SMYD3: variants seen among roughly 807,000 people sequenced by gnomAD.
SMYD3 encodes the protein histone-lysine N-methyltransferase SMYD3.
In SMYD3, 36 loss-of-function variants were observed where a neutral mutation model predicts 57.7. The ratio of observed to expected loss-of-function variants is 0.62; its 90% CI spans 0.48 to 0.82. The LOEUF (loss-of-function observed/expected upper bound fraction) is 0.82, where lower values mean the gene tolerates loss of function less well. Among genes scored for constraint, SMYD3 ranks in the 40% least tolerant of loss-of-function variants. The pLI, the probability that SMYD3 is intolerant of heterozygous loss-of-function variation, is 0.00. For synonymous variants in SMYD3, 211 were observed against 195.0 expected, an observed-to-expected ratio of 1.08 and a Z score of -0.68; for missense variants, 515 against 538.8, an observed-to-expected ratio of 0.96 and a Z score of 0.44.
At chr1:245,965,629 T>C (rs890274205) in intron 5 of SMYD3, among the ~76,000 whole-genome samples, 2 of 152,132 alleles carry the variant, frequency 1.3e-5, no homozygotes, top group African/African-American at 2.4e-5. Flanking sequence ...AAGAAGCCAA[T>C]CTGAAACACT....
In SMYD3 at chr1:245,764,125, G is replaced by A. The variant is rs148679457; in HGVS notation, c.1101C>T (p.Pro367=). 1.8e-5 allele frequency: 29 copies of A among 1,613,808 alleles called. No individual in the cohort carries two copies. Among genetic ancestry groups the A allele is most frequent in the Non-Finnish European group, 2.4e-5 (28 of 1,179,922 alleles). ...CTTTCATCACTTGAACCCCTCTGACGGGATGGCTTCCTGGGAAAAAAATCC... is the reference window on the plus strand; with the variant it reads ...CTTTCATCACTTGAACCCCTCTGACAGGATGGCTTCCTGGGAAAAAAATCC... The part of the protein sequence containing the change: ...PYRIFFPGSH[P]VRGVQVMKVG... The change falls in exon 11 of 12, where the codon CCC becomes CCT. Residue 367 remains proline, a synonymous_variant. Transcript: ENST00000490107.
chr1:246,306,948 CTT>C (rs955108078), intron 5 of SMYD3, among the ~76,000 whole-genome samples: 1 of 150,314 alleles, frequency 6.7e-6, no homozygotes, highest in African/African-American at 2.4e-5. Flanking sequence ...ATGGAAGTAA[CTT>C]TGAGTTTCAA....
At chr1:246,024,381 T>C (rs1401873284) in intron 5 of SMYD3, among the ~76,000 whole-genome samples, 2 of 110,420 alleles carry the variant, frequency 1.8e-5, no homozygotes, top group Non-Finnish European at 3.5e-5. Flanking sequence ...GGAAGGGAGA[T>C]ACAGGAAGTG....
At chr1:246,286,899 T>C (rs148033290) in intron 5 of SMYD3, among the ~76,000 whole-genome samples, 3,780 of 150,642 alleles carry the variant, frequency 0.025, 78 homozygotes, top group Non-Finnish European at 0.04. Flanking sequence ...TTTGAGACAG[T>C]CTTGCTCTAT....
At chr1:246,183,217 T>A (rs1188127832) in intron 5 of SMYD3, among the ~76,000 whole-genome samples, 1 of 152,094 alleles carries the variant, frequency 6.6e-6, no homozygotes, top group Non-Finnish European at 1.5e-5. Context: ...CAATGAAATC[T>A]GCATGTAAAC....
intron 1 of SMYD3, among the ~76,000 whole-genome samples, chr1:246,459,955 G>A (rs2067771823): frequency 7.4e-6 from 1 of 134,758 alleles, no homozygotes. Flanking sequence ...AAAGAAAGAA[G>A]CAGGGATGAA....
intron 5 of SMYD3, among the ~76,000 whole-genome samples, chr1:246,212,462 T>C (rs1212362528): frequency 6.6e-6 from 1 of 152,140 alleles, no homozygotes; most frequent in Non-Finnish European, 1.5e-5. Flanking sequence ...CATAAATGCA[T>C]AGATAAAATA....
At chr1:245,826,086 T>A (rs572501087) in intron 10 of SMYD3, among the ~76,000 whole-genome samples, 2 of 150,750 alleles carry the variant, frequency 1.3e-5, no homozygotes, top group Admixed American at 1.3e-4. Context: ...TTTGTGCCAC[T>A]AGGTTTTAAG....
At chr1:246,451,159 C>T (rs2067627339) in intron 1 of SMYD3, among the ~76,000 whole-genome samples, 1 of 152,174 alleles carries the variant, frequency 6.6e-6, no homozygotes, top group Non-Finnish European at 1.5e-5. Flanking sequence ...AGGAGAATGG[C>T]AAAGCACTTT....
intron 10 of SMYD3, among the ~76,000 whole-genome samples, chr1:245,776,412 T>A (rs2046598876): frequency 6.6e-6 from 1 of 151,780 alleles, no homozygotes; most frequent in African/African-American, 2.4e-5. Context: ...AAGAGGAGAG[T>A]CATAAAAATT....
intron 1 of SMYD3, among the ~76,000 whole-genome samples, chr1:246,378,167 T>C (rs2066310768): frequency 6.6e-6 from 1 of 152,256 alleles, no homozygotes; most frequent in East Asian, 1.9e-4. Flanking sequence ...ACTGTGTCTG[T>C]ATTTCACAAC....
chr1:246,209,987 A>G (rs528983409), intron 5 of SMYD3, among the ~76,000 whole-genome samples: 2 of 152,144 alleles, frequency 1.3e-5, no homozygotes, highest in African/African-American at 4.8e-5. Context: ...TCAAATCTTC[A>G]CTAATTCTTC....
intron 10 of SMYD3, among the ~76,000 whole-genome samples, chr1:245,778,996 C>T (rs1206967327): frequency 1.3e-5 from 2 of 151,810 alleles, no homozygotes; most frequent in Admixed American, 1.3e-4. Context: ...CCTGTCTCTA[C>T]TAAAAATACA....
At chr1:246,377,476 T>C (rs1459685840) in intron 1 of SMYD3, among the ~76,000 whole-genome samples, 1 of 151,830 alleles carries the variant, frequency 6.6e-6, no homozygotes, top group Admixed American at 6.6e-5. Context: ...TTCAAGCGAT[T>C]CTCCTGCCTC....
intron 1 of SMYD3, 67 bp downstream of exon 1, chr1:246,506,987 A>ACCCCCCCCC: frequency 5.4e-5 from 34 of 634,588 alleles, no homozygotes; most frequent in East Asian, 2.1e-4. Context: ...CGGCCGCCCG[A>ACCCCCCCCC]CGCCCCCCCC....
At chr1:246,137,199 C>T (rs1019719873) in intron 5 of SMYD3, among the ~76,000 whole-genome samples, 3 of 152,144 alleles carry the variant, frequency 2.0e-5, no homozygotes, top group African/African-American at 7.2e-5. Flanking sequence ...CACTCATCAC[C>T]ACTATGTAAT....
intron 5 of SMYD3, among the ~76,000 whole-genome samples, chr1:245,979,764 A>T (rs12094976): frequency 0.033 from 4,959 of 152,312 alleles, 268 homozygotes; most frequent in African/African-American, 0.11. Flanking sequence ...ATTCAGACTT[A>T]AAAAACGCAA....
At chr1:246,105,040 A>C (rs542978312) in intron 5 of SMYD3, among the ~76,000 whole-genome samples, 40 of 152,158 alleles carry the variant, frequency 2.6e-4, no homozygotes, top group Non-Finnish European at 4.0e-4. Flanking sequence ...GTGAATGAAA[A>C]ATTATTAAGA....
At chr1:246,378,520 C>T (rs2066317710) in intron 1 of SMYD3, among the ~76,000 whole-genome samples, 1 of 150,176 alleles carries the variant, frequency 6.7e-6, no homozygotes. Context: ...TGCCCTTGAA[C>T]ATCAGACTCC....
Sources: allele counts gnomAD v4.1 joint callset (sites outside exome capture counted in the v4.1 genomes callset), GRCh38; gene constraint gnomAD v4.1.1; transcripts MANE v1.5; gene names NCBI Gene and HGNC (gene_info 2026-07-23, HGNC 2026-07-21).